Variants in ZBTB20 observed in about 807,000 individuals in gnomAD.
ZBTB20 encodes zinc finger and BTB domain containing 20, also known as zinc finger and BTB domain-containing protein 20.
A neutral mutation model predicts 56.9 loss-of-function variants in ZBTB20; 9 were observed. The observed-to-expected ratio is 0.16, with a 90% CI of 0.10 to 0.28. The LOEUF is 0.28. Ranked by LOEUF, ZBTB20 falls within the 10% of genes least tolerant of loss-of-function variation. The pLI, the probability that ZBTB20 is intolerant of heterozygous loss-of-function variation, is 1.00. For missense variants in ZBTB20, 655 were observed against 1,003.0 expected, an observed-to-expected ratio of 0.65 and a Z score of 4.69; for synonymous variants, 417 against 420.7, an observed-to-expected ratio of 0.99 and a Z score of 0.11.
intron 4 of ZBTB20, among the ~76,000 whole-genome samples, chr3:114,814,097 T>C (rs1259640831): frequency 6.6e-6 from 1 of 151,816 alleles, no homozygotes; most frequent in Non-Finnish European, 1.5e-5. Flanking sequence ...AGCATTGTAT[T>C]TCTTTAAAAT....
At chr3:114,345,440 A>G (rs750898671) in intron 11 of ZBTB20, among the ~76,000 whole-genome samples, 3 of 152,240 alleles carry the variant, frequency 2.0e-5, no homozygotes, top group Non-Finnish European at 2.9e-5. Flanking sequence ...AACTTACCTC[A>G]TATGTGAGTG....
chr3:114,806,895 G>A lies in ZBTB20; in HGVS notation c.-416-5721C>T, dbSNP rs146535071. ...AGACTATCCCTTCCCATGACAAATT[G>A]CCTTGGCACCTTTGTCAAATTTAAT... On this transcript the variant is annotated intron_variant, in intron 4 of 11. Coordinates refer to ENST00000675478, the MANE Select transcript of ZBTB20 (RefSeq NM_001348800.3). 3.2e-3 allele frequency among the ~76,000 whole-genome samples: 487 copies of A among 151,912 alleles called. 2 individuals are homozygous for A. The highest frequency in any genetic ancestry group is 0.011 in the African/African-American group (454 of 41,496).
chr3:115,051,459 A>T (rs1195220814), intron 2 of ZBTB20, among the ~76,000 whole-genome samples: 1 of 152,178 alleles, frequency 6.6e-6, no homozygotes, highest in Admixed American at 6.5e-5. Context: ...AGCAAATTAA[A>T]GCTAATAGGG....
chr3:114,391,201 A>G (rs1284181903), intron 7 of ZBTB20, among the ~76,000 whole-genome samples: 3 of 151,952 alleles, frequency 2.0e-5, no homozygotes, highest in African/African-American at 7.3e-5. Context: ...CATTACATTA[A>G]TTTTTCTAAA....
At chr3:115,081,958 T>C (rs908859098) in intron 1 of ZBTB20, among the ~76,000 whole-genome samples, 2 of 152,132 alleles carry the variant, frequency 1.3e-5, no homozygotes, top group African/African-American at 4.8e-5. Flanking sequence ...AACGTATAGA[T>C]AGCATCTACA....
At chr3:114,631,977 G>C (rs774764742) in intron 6 of ZBTB20, among the ~76,000 whole-genome samples, 4 of 152,204 alleles carry the variant, frequency 2.6e-5, no homozygotes, top group Non-Finnish European at 4.4e-5. Flanking sequence ...ACATTAGCAA[G>C]GAGCGTGGTT....
At chr3:114,718,323 C>T (rs1398571147) in intron 5 of ZBTB20, among the ~76,000 whole-genome samples, 1 of 152,056 alleles carries the variant, frequency 6.6e-6, no homozygotes, top group African/African-American at 2.4e-5. Flanking sequence ...TAGGTTGTTC[C>T]CCCTACCCAC....
At position 114,385,529 on chromosome 3, in the gene ZBTB20, T is replaced by G. The variant is rs75018403; in HGVS notation, c.-154+3476A>C. Among the ~76,000 whole-genome samples, 984 of 152,364 alleles carry G rather than the reference T, an allele frequency of 6.5e-3. 2 individuals carry two copies. The highest frequency in any genetic ancestry group is 0.01 in the Non-Finnish European group (703 of 68,044). ...AAGAGCTCAATAATGGTAGTTCCTC[T>G]CATAGGGATTGTTAGTTCTGTGATA... On this transcript the variant is annotated intron_variant, in intron 8 of 11. Transcript: ENST00000675478.
intron 5 of ZBTB20, among the ~76,000 whole-genome samples, chr3:114,794,538 C>G (rs1378022741): frequency 1.3e-5 from 2 of 152,070 alleles, no homozygotes; most frequent in Non-Finnish European, 2.9e-5. Context: ...ATAAATAATT[C>G]CTAAGATTCC....
chr3:115,136,610 C>T (rs531376131), intron 1 of ZBTB20, among the ~76,000 whole-genome samples: 23 of 152,096 alleles, frequency 1.5e-4, no homozygotes, highest in Non-Finnish European at 2.8e-4. Flanking sequence ...CATTATAAAA[C>T]TCATCATTAC....
intron 6 of ZBTB20, among the ~76,000 whole-genome samples, chr3:114,603,249 G>A (rs747555319): frequency 8.6e-5 from 13 of 151,914 alleles, no homozygotes; most frequent in East Asian, 1.9e-4. Context: ...GTTCATTTTC[G>A]TTGTAATTGT....
At position 114,620,117 on chromosome 3, in the gene ZBTB20, C is replaced by A. The variant is rs16823016; in HGVS notation, c.-295+73411G>T. 4.5e-3 allele frequency among the ~76,000 whole-genome samples: 684 copies of A among 152,280 alleles called. 4 individuals carry two copies. Among genetic ancestry groups the A allele is most frequent in the African/African-American group, 0.015 (632 of 41,552 alleles). On this transcript the variant is annotated intron_variant, in intron 6 of 11. Transcript: ENST00000675478. ...GGAAAATGAATGGAACTACTGCAAA[C>A]TGAAGATCCCATGTTCCATCAGAAA...
intron 4 of ZBTB20, among the ~76,000 whole-genome samples, chr3:114,859,578 T>G (rs1321859586): frequency 6.6e-6 from 1 of 150,538 alleles, no homozygotes; most frequent in African/African-American, 2.4e-5. Flanking sequence ...TGGCGTTTTT[T>G]TTTTTTTTTT....
At chr3:114,637,267 G>T (rs921252119) in intron 6 of ZBTB20, among the ~76,000 whole-genome samples, 1 of 151,970 alleles carries the variant, frequency 6.6e-6, no homozygotes, top group Non-Finnish European at 1.5e-5. Flanking sequence ...TTTTTCCAAA[G>T]CTTTCCTGGA....
At chr3:114,451,960 G>A (rs1184030921) in intron 7 of ZBTB20, among the ~76,000 whole-genome samples, 1 of 152,078 alleles carries the variant, frequency 6.6e-6, no homozygotes, top group Non-Finnish European at 1.5e-5. Flanking sequence ...AGCTGCCTGA[G>A]TTGGGATCAA....
At chr3:114,702,702 A>G (rs898630735) in intron 5 of ZBTB20, among the ~76,000 whole-genome samples, 9 of 146,852 alleles carry the variant, frequency 6.1e-5, no homozygotes, top group Non-Finnish European at 1.4e-4. Context: ...TGTAAAGATA[A>G]AGGACTTTTA....
At chr3:114,635,024 T>C (rs1023662402) in intron 6 of ZBTB20, among the ~76,000 whole-genome samples, 20 of 152,192 alleles carry the variant, frequency 1.3e-4, no homozygotes, top group African/African-American at 4.8e-4. Flanking sequence ...GGAAAGGGAA[T>C]GAAGGGGGCC....
chr3:114,516,815 G>A (rs962947565), intron 6 of ZBTB20, among the ~76,000 whole-genome samples: 3 of 152,180 alleles, frequency 2.0e-5, no homozygotes, highest in African/African-American at 7.2e-5. Context: ...GAAACCACCA[G>A]AAGCTGGGTG....
intron 3 of ZBTB20, among the ~76,000 whole-genome samples, chr3:114,929,819 A>T (rs1160112839): frequency 6.6e-6 from 1 of 152,256 alleles, no homozygotes; most frequent in Non-Finnish European, 1.5e-5. Flanking sequence ...GCTAATAACA[A>T]GAATAAGTAT....
Sources: gnomAD v4.1 joint callset for allele counts (sites outside exome capture counted in the v4.1 genomes callset) on GRCh38, gnomAD v4.1.1 for gene constraint, MANE v1.5 for transcripts, NCBI Gene and HGNC (gene_info 2026-07-23, HGNC 2026-07-21) for gene names.